Variants in FLT3 observed in about 807,000 individuals in gnomAD.
FLT3 encodes the protein receptor-type tyrosine-protein kinase FLT3.
A neutral mutation model predicts 126.6 loss-of-function variants in FLT3; 46 were observed. That is an observed-to-expected ratio of 0.36 (90% CI 0.29 to 0.46). The LOEUF is 0.46. Ranked by LOEUF, FLT3 falls within the 20% of genes least tolerant of loss-of-function variation. FLT3 has a pLI of 1.00. For missense variants in FLT3, 1,069 were observed against 1,190.3 expected, an observed-to-expected ratio of 0.90 and a Z score of 1.50; for synonymous variants, 404 against 434.4, an observed-to-expected ratio of 0.93 and a Z score of 0.87.
At chr13:28,052,415 A>C (rs558849617) in intron 5 of FLT3, 130 bp downstream of exon 5, 1 of 953,420 alleles carries the variant, frequency 1.0e-6, no homozygotes, top group African/African-American at 1.6e-5. Flanking sequence ...CCATTTTTTA[A>C]CTTTAAGAAG....
chr13:28,007,169 T>C (rs4466945), intron 23 of FLT3, among the ~76,000 whole-genome samples: 151,066 of 152,312 alleles, frequency 0.99, 74,929 homozygotes, highest in Middle Eastern at 1. Flanking sequence ...TAAAGAAGTA[T>C]ATAAATTTTC....
Position 28,048,341 on chromosome 13 carries a change from C to G in FLT3, c.1139G>C (p.Arg380Thr). The G allele has an allele frequency of 6.2e-7, 1 of 1,613,930 alleles. No individual in the cohort carries two copies. The highest frequency in any genetic ancestry group is 1.1e-5 in the South Asian group (1 of 91,078). Residue 380 changes from arginine to threonine, a missense_variant, in exon 9 of 24, where the codon AGA becomes ACA. By Grantham distance (71) the Arg-to-Thr change is moderately conservative. Coordinates refer to ENST00000241453, the MANE Select transcript of FLT3 (RefSeq NM_004119.3). ...SVRFKAYPQIRCTWTFSRKSF... is the reference protein window; with the variant it reads ...SVRFKAYPQITCTWTFSRKSF... ...TTTTCGAGAGAAGGTCCACGTACATCTGATTTGTGGGTAGGCTTTAAACCT... is the reference window on the plus strand; with the variant it reads ...TTTTCGAGAGAAGGTCCACGTACATGTGATTTGTGGGTAGGCTTTAAACCT...
At chr13:28,095,319 A>G (rs577442979) in intron 1 of FLT3, among the ~76,000 whole-genome samples, 1 of 152,010 alleles carries the variant, frequency 6.6e-6, no homozygotes, top group African/African-American at 2.4e-5. Context: ...CTCTGTCTCC[A>G]GGCTGGAATG....
At chr13:28,084,883 G>A (rs903743295) in intron 1 of FLT3, among the ~76,000 whole-genome samples, 1 of 151,048 alleles carries the variant, frequency 6.6e-6, no homozygotes, top group South Asian at 2.1e-4. Context: ...GCTGAGGCAG[G>A]AGAATGGCGT....
chr13:28,014,668 G>T, intron 22 of FLT3, 111 bp from the exon 23 acceptor site: 1 of 716,682 alleles, frequency 1.4e-6, no homozygotes, highest in Non-Finnish European at 2.3e-6. Context: ...CTTATTTACA[G>T]CATGTTTGTT....
At chr13:28,063,743 A>G (rs1179891136) in intron 2 of FLT3, among the ~76,000 whole-genome samples, 1 of 152,202 alleles carries the variant, frequency 6.6e-6, no homozygotes, top group African/African-American at 2.4e-5. Context: ...GACTAGAAAA[A>G]AAAAAAAGAC....
chr13:28,095,458 T>C (rs1879392442), intron 1 of FLT3, among the ~76,000 whole-genome samples: 1 of 152,114 alleles, frequency 6.6e-6, no homozygotes, highest in Admixed American at 6.5e-5. Context: ...GTATTTTTAG[T>C]AGAGACAGGG....
intron 2 of FLT3, among the ~76,000 whole-genome samples, chr13:28,065,849 A>G (rs1876981946): frequency 6.6e-6 from 1 of 150,922 alleles, no homozygotes; most frequent in South Asian, 2.1e-4. Flanking sequence ...AATAATAATA[A>G]TAATAATCCA....
intron 4 of FLT3, among the ~76,000 whole-genome samples, chr13:28,055,836 T>TC (rs1228570586): frequency 1.5e-4 from 23 of 151,996 alleles, no homozygotes; most frequent in Admixed American, 1.4e-3. Context: ...ACAAGAAACG[T>TC]CCTAGCTTCA....
chr13:28,089,377 A>C (rs946503169), intron 1 of FLT3, among the ~76,000 whole-genome samples: 4 of 151,224 alleles, frequency 2.6e-5, no homozygotes, highest in African/African-American at 9.9e-5. Flanking sequence ...AAAAGAAATG[A>C]AAACCTATGC....
At chr13:28,049,284 G>T in intron 8 of FLT3, 100 bp downstream of exon 8, 1 of 1,058,778 alleles carries the variant, frequency 9.4e-7, no homozygotes, top group Non-Finnish European at 1.4e-6. Context: ...GTGTTTGATA[G>T]TAGCATTATA....
chr13:28,083,702 C>A (rs2387354), intron 1 of FLT3, among the ~76,000 whole-genome samples: 108,115 of 152,092 alleles, frequency 0.71, 40,193 homozygotes, highest in East Asian at 0.95. Context: ...TTTTCTTGAA[C>A]AAGCATTGAT....
chr13:28,077,418 C>T (rs1247787928), intron 1 of FLT3, among the ~76,000 whole-genome samples: 1 of 152,122 alleles, frequency 6.6e-6, no homozygotes, highest in Admixed American at 6.6e-5. Flanking sequence ...GCAGCAAAAG[C>T]AGAACCCCCT....
intron 1 of FLT3, among the ~76,000 whole-genome samples, chr13:28,099,581 G>A (rs935556073): frequency 1.3e-5 from 2 of 152,180 alleles, no homozygotes; most frequent in Admixed American, 6.5e-5. Context: ...GGAGGCCGGG[G>A]GAGGTGAGTG....
At position 28,049,759 on chromosome 13, in the gene FLT3, G is replaced by T; in HGVS notation, c.758C>A (p.Pro253His). ...RLFTIDLNQT[P>H]QTTLPQLFLK... ...AAATAATTGTGGCAATGTGGTCTGA[G>T]GAGTTTGATTTAGATCTAGGAGATG... Residue 253 changes from proline to histidine, a missense_variant, in exon 7 of 24, where the codon CCT (proline) becomes CAT (histidine). Coordinates refer to ENST00000241453, the MANE Select transcript of FLT3 (RefSeq NM_004119.3). The T allele has an allele frequency of 6.2e-7, 1 of 1,613,760 alleles. No homozygotes were observed. The highest frequency in any genetic ancestry group is 8.5e-7 in the Non-Finnish European group (1 of 1,179,908).
intron 19 of FLT3, among the ~76,000 whole-genome samples, chr13:28,020,885 G>C (rs1011189589): frequency 6.6e-6 from 1 of 152,066 alleles, no homozygotes; most frequent in South Asian, 2.1e-4. Flanking sequence ...ACAGTGACAC[G>C]CATGATTCAA....
At chr13:28,042,952 G>A (rs1349351400) in intron 9 of FLT3, among the ~76,000 whole-genome samples, 3 of 151,554 alleles carry the variant, frequency 2.0e-5, no homozygotes, top group Non-Finnish European at 4.4e-5. Context: ...GTATGTGACA[G>A]CCTGCTTTTC....
At chr13:28,052,959 A>C (rs1383960039) in intron 4 of FLT3, among the ~76,000 whole-genome samples, 2 of 152,226 alleles carry the variant, frequency 1.3e-5, no homozygotes, top group African/African-American at 4.8e-5. Flanking sequence ...GAAAATACAA[A>C]TATTGATAGG....
intron 23 of FLT3, among the ~76,000 whole-genome samples, chr13:28,006,005 T>C (rs1870850876): frequency 6.6e-6 from 1 of 152,138 alleles, no homozygotes; most frequent in Non-Finnish European, 1.5e-5. Context: ...AACTCTGTAA[T>C]CCTAGCACTT....
Sources: gnomAD v4.1 joint callset for allele counts (sites outside exome capture counted in the v4.1 genomes callset) on GRCh38, gnomAD v4.1.1 for gene constraint, MANE v1.5 for transcripts, NCBI Gene and HGNC (gene_info 2026-07-23, HGNC 2026-07-21) for gene names.